The following RECK variants were observed in gnomAD, a reference collection of about 807,000 sequenced individuals.
RECK encodes reversion-inducing cysteine-rich protein with Kazal motifs.
RECK carries 69 observed loss-of-function variants against 115.1 expected under a neutral mutation model. The ratio of observed to expected loss-of-function variants is 0.60; its 90% CI spans 0.49 to 0.73. RECK has a LOEUF of 0.73. RECK is among the 30% of genes least tolerant of loss of function. RECK has a pLI of 0.00. For missense variants in RECK, 1,047 were observed against 1,203.7 expected (o/e 0.87, Z 1.93); for synonymous variants, 414 against 419.7 (o/e 0.99, Z 0.17).
In RECK at chr9:36,100,437, C is replaced by G; in HGVS notation, c.1192C>G (p.Pro398Ala). The part of the protein sequence containing the change: ...GSIKMPFINI[P>A]VLDIKKCQPE... Reference sequence around the variant, plus strand: ...CATAAAGATGCCATTTATCAATATACCTGTTCTTGATATTAAAAAGTGCCA... The same window carrying G: ...CATAAAGATGCCATTTATCAATATAGCTGTTCTTGATATTAAAAAGTGCCA... The change falls in exon 11 of 21, where the codon CCT becomes GCT. Residue 398 changes from proline (P) to alanine (A), a missense_variant. By Grantham distance (27) the Pro-to-Ala change is conservative. Transcript: ENST00000377966. 6.2e-7 allele frequency: 1 copy of G among 1,612,622 alleles called. No homozygotes were observed. Among genetic ancestry groups the G allele is most frequent in the Non-Finnish European group, 8.5e-7 (1 of 1,178,656 alleles).
At chr9:36,106,022 G>T (rs990106838) in intron 13 of RECK, among the ~76,000 whole-genome samples, 5 of 151,906 alleles carry the variant, frequency 3.3e-5, no homozygotes, top group Non-Finnish European at 7.4e-5. Context: ...AACCATCCTG[G>T]CTAACATGGT....
intron 7 of RECK, among the ~76,000 whole-genome samples, chr9:36,082,407 C>T (rs560579340): frequency 1.3e-5 from 2 of 152,142 alleles, no homozygotes; most frequent in Admixed American, 6.5e-5. Flanking sequence ...TGGTCTCAAA[C>T]TCCTGGACTT....
chr9:36,057,069 A>G (rs751513965), intron 2 of RECK: 140 of 957,830 alleles, frequency 1.5e-4, no homozygotes, highest in Non-Finnish European at 1.7e-4. Flanking sequence ...CTGAAACACC[A>G]AATTGTAATT....
chr9:36,089,967 T>TACACAC (rs55678229), intron 9 of RECK, among the ~76,000 whole-genome samples: 5,912 of 143,818 alleles, frequency 0.041, 212 homozygotes, highest in African/African-American at 0.08. Context: ...CTACTAAAAA[T>TACACAC]ACACACACAC....
At chr9:36,047,608 A>C (rs1466588113) in intron 1 of RECK, among the ~76,000 whole-genome samples, 4 of 152,126 alleles carry the variant, frequency 2.6e-5, no homozygotes, top group Admixed American at 6.5e-5. Context: ...CTCAAAAAAA[A>C]CAAAAACCCT....
Position 36,102,237 on chromosome 9 carries a change from A to G in RECK, c.1435+7A>G, listed in dbSNP as rs537518631. 5 of 1,588,818 alleles carry G rather than the reference A, an allele frequency of 3.1e-6. No homozygotes were observed. The African/African-American group carries it at 4.1e-5, about 13-fold the overall frequency. ...CCTTTGGATACATACCTCAGTAAGT[A>G]CTTTTTTGTATGTGTGTTTTTAGAT... On this transcript the variant is annotated splice_region_variant and intron_variant, in intron 12 of 20. Coordinates refer to ENST00000377966, the MANE Select transcript of RECK (RefSeq NM_021111.3).
At chr9:36,088,697 T>C (rs1020682642) in intron 9 of RECK, among the ~76,000 whole-genome samples, 1 of 152,216 alleles carries the variant, frequency 6.6e-6, no homozygotes, top group African/African-American at 2.4e-5. Flanking sequence ...ACTTTGGTAA[T>C]TGTCAATCAA....
chr9:36,121,897 A>T (rs1316170620), intron 20 of RECK, among the ~76,000 whole-genome samples: 6 of 152,202 alleles, frequency 3.9e-5, no homozygotes, highest in Admixed American at 3.9e-4. Context: ...TGCACATTTG[A>T]CAGTGGGATG....
At chr9:36,114,592 C>T (rs887512479) in intron 16 of RECK, among the ~76,000 whole-genome samples, 4 of 152,214 alleles carry the variant, frequency 2.6e-5, no homozygotes, top group South Asian at 4.1e-4. Flanking sequence ...GTAGCTCACA[C>T]GTGTATTCCC....
At position 36,094,814 on chromosome 9, in the gene RECK, A is replaced by G. The variant is rs536729585; in HGVS notation, c.1085+3471A>G. ...ATACTTAAAAACAGAAGTAAACCCT[A>G]AAGAGAGAGAAATATTCAATCATAT... On this transcript the variant is annotated intron_variant, in intron 10 of 20. Coordinates refer to ENST00000377966, the MANE Select transcript of RECK (RefSeq NM_021111.3). The surrounding 1 kb of genome is among the most constrained non-coding windows in gnomAD (Gnocchi z 4.1). Among the ~76,000 whole-genome samples, 2 of 152,258 alleles carry G rather than the reference A, an allele frequency of 1.3e-5. No homozygotes were observed. The highest frequency in any genetic ancestry group is 4.1e-4 in the South Asian group (2 of 4,828).
chr9:36,061,366 C>T (rs1821755014), intron 4 of RECK, among the ~76,000 whole-genome samples: 1 of 147,418 alleles, frequency 6.8e-6, no homozygotes, highest in Non-Finnish European at 1.5e-5. Context: ...TGCTTGTACC[C>T]AGCATCCTTA....
chr9:36,099,668 A>G (rs1823488593), intron 10 of RECK, among the ~76,000 whole-genome samples: 1 of 151,358 alleles, frequency 6.6e-6, no homozygotes, highest in African/African-American at 2.4e-5. Flanking sequence ...TTTTTTTAGT[A>G]GAGATGAAAT....
rs1162136696 is a variant in RECK, at chr9:36,123,187, A to G, written c.*142A>G. On this transcript the variant is annotated 3_prime_UTR_variant, in exon 21 of 21. Coordinates refer to ENST00000377966, the MANE Select transcript of RECK (RefSeq NM_021111.3). Reference sequence around the variant, plus strand: ...TTCGCCACACAGTATTTTTTTTTTTAATCCGCCAATATTAGTAGGATTTTT... The same window carrying G: ...TTCGCCACACAGTATTTTTTTTTTTGATCCGCCAATATTAGTAGGATTTTT... 1 of 593,950 alleles carries G rather than the reference A, an allele frequency of 1.7e-6. No homozygotes were observed. Among genetic ancestry groups the G allele is most frequent in the East Asian group, 2.9e-5 (1 of 34,688 alleles). 36.8% of individuals were successfully genotyped at this position (593,950 alleles called of 1,614,324 possible).
intron 1 of RECK, among the ~76,000 whole-genome samples, chr9:36,037,690 CTGT>C (rs981687325): frequency 1.3e-5 from 2 of 151,834 alleles, no homozygotes; most frequent in African/African-American, 4.8e-5. Flanking sequence ...GGATAGGAAA[CTGT>C]TAAGTGCTTA....
In RECK at chr9:36,052,312, G is replaced by A. The variant is rs1167585795; in HGVS notation, c.148G>A (p.Val50Ile). 14 of 1,607,546 alleles carry A rather than the reference G, an allele frequency of 8.7e-6. No individual in the cohort carries two copies. Among genetic ancestry groups the A allele is most frequent in the Non-Finnish European group, 1.1e-5 (13 of 1,174,268 alleles). ...HSKDNQMCRD[V>I]CEQIFSSKSE... ...AAAGGATAACCAAATGTGCCGTGAT[G>A]TATGTGAACAGGTAAGATTACATAA... Residue 50 changes from valine (V) to isoleucine (I), a missense_variant, in exon 2 of 21, where the codon GTA becomes ATA. Physicochemically the swap from Val to Ile is conservative, Grantham distance 29 (BLOSUM62 3). Transcript: ENST00000377966.
chr9:36,102,156 C>T lies in RECK; in HGVS notation c.1361C>T (p.Thr454Ile). 1 of 1,613,068 alleles carries T rather than the reference C, an allele frequency of 6.2e-7. No homozygotes were observed. The highest frequency in any genetic ancestry group is 8.5e-7 in the Non-Finnish European group (1 of 1,179,112). The change falls in exon 12 of 21, where the codon ACA becomes ATA. Residue 454 changes from threonine to isoleucine, a missense_variant. Coordinates refer to ENST00000377966, the MANE Select transcript of RECK (RefSeq NM_021111.3). ...CAGAACAAATTCCCTGAAGACCACA[C>T]AGCTGAAAGTATTTGTGAGCTTCTG... ...GDQNKFPEDH[T>I]AESICELLSP... is the part of the protein sequence containing the mutation.
intron 18 of RECK, among the ~76,000 whole-genome samples, chr9:36,120,388 C>G (rs1824415869): frequency 6.6e-6 from 1 of 152,182 alleles, no homozygotes; most frequent in African/African-American, 2.4e-5. Context: ...GGCCCCAGGT[C>G]TCTTGAAAAG....
rs1429094181 is a variant in RECK, at chr9:36,123,555, GAAATTATGT to G, written c.*527_*535del. 2.6e-5 allele frequency: 4 copies of G among 152,330 alleles called. No homozygotes were observed. Among genetic ancestry groups the G allele is most frequent in the South Asian group, 2.1e-4 (1 of 4,832 alleles). 9.4% of individuals were successfully genotyped at this position (152,330 alleles called of 1,614,324 possible). A position where few individuals can be genotyped will look rare whatever the true frequency, so the allele number is the denominator to read the frequency against. On this transcript the variant is annotated 3_prime_UTR_variant, in exon 21 of 21. Transcript: ENST00000377966. ...TATGAAACATAGATAAAACATCTTT[GAAATTATGT>G]AAATTATGTAAATTATCAGGCAAAT...
chr9:36,069,623 G>A lies in RECK; in HGVS notation c.405+3999G>A, dbSNP rs115939304. ...AGCAAAGAAAGTAAATTGGAAGATAGAACTAAAGAAATTATATGGAAAAGA... is the reference window on the plus strand; with the variant it reads ...AGCAAAGAAAGTAAATTGGAAGATAAAACTAAAGAAATTATATGGAAAAGA... On this transcript the variant is annotated intron_variant, in intron 6 of 20. Coordinates refer to ENST00000377966, the MANE Select transcript of RECK (RefSeq NM_021111.3). Among the ~76,000 whole-genome samples the A allele has an allele frequency of 5.0e-3, 766 of 152,100 alleles. 6 individuals are homozygous for A. The highest frequency in any genetic ancestry group is 0.017 in the African/African-American group (723 of 41,496).
Sources: gnomAD v4.1 joint callset for allele counts (sites outside exome capture counted in the v4.1 genomes callset) on GRCh38, gnomAD v4.1.1 for gene constraint, Gnocchi (gnomAD v3.1) non-coding constraint, MANE v1.5 for transcripts, NCBI Gene and HGNC (gene_info 2026-07-23, HGNC 2026-07-21) for gene names.